The following COG3 variants were observed in gnomAD, a reference collection of about 807,000 sequenced individuals.
COG3 encodes the protein component of oligomeric golgi complex 3, also known as conserved oligomeric Golgi complex subunit 3.
In COG3, 32 loss-of-function variants were observed where a neutral mutation model predicts 114.1. The ratio of observed to expected loss-of-function variants is 0.28; its 90% CI spans 0.21 to 0.38. The LOEUF is 0.38. Ranked by LOEUF, COG3 falls within the 10% of genes least tolerant of loss-of-function variation. The probability of loss-of-function intolerance (pLI) is 1.00; values close to 1 mark genes in which losing one functional copy is unlikely to be tolerated. For missense variants in COG3, 813 were observed against 973.2 expected, an observed-to-expected ratio of 0.84 and a Z score of 2.19; for synonymous variants, 352 against 365.7, an observed-to-expected ratio of 0.96 and a Z score of 0.43.
At chr13:45,497,964 A>G (rs1869028739) in intron 13 of COG3, among the ~76,000 whole-genome samples, 1 of 152,218 alleles carries the variant, frequency 6.6e-6, no homozygotes, top group African/African-American at 2.4e-5. Flanking sequence ...AACAACAATA[A>G]CAGAATTAAA....
In COG3 at chr13:45,476,185, ACT is replaced by A. The variant is rs763192174; in HGVS notation, c.175-11_175-10del. 6.2e-7 allele frequency: 1 copy of A among 1,612,536 alleles called. No individual in the cohort carries two copies. On this transcript the variant is annotated splice_polypyrimidine_tract_variant and intron_variant, in intron 1 of 22. Transcript: ENST00000349995. Reference sequence around the variant, plus strand: ...TTCAAGTCACTTAAATATCTTTGTGACTCTCTTTTTTCAAGCTTCCAATTGAA... The same window carrying A: ...TTCAAGTCACTTAAATATCTTTGTGACTCTTTTTTCAAGCTTCCAATTGAA...
intron 19 of COG3, among the ~76,000 whole-genome samples, chr13:45,521,247 C>A (rs1298588031): frequency 6.6e-6 from 1 of 152,130 alleles, no homozygotes; most frequent in Non-Finnish European, 1.5e-5. Flanking sequence ...ATGCTACATG[C>A]GTATAGCAGG....
chr13:45,473,657 T>G (rs890168348), intron 1 of COG3, among the ~76,000 whole-genome samples: 1 of 152,206 alleles, frequency 6.6e-6, no homozygotes, highest in Non-Finnish European at 1.5e-5. Context: ...GTACTCAAAT[T>G]TATTGCTTAC....
At position 45,465,110 on chromosome 13, in the gene COG3, G is replaced by C; in HGVS notation, c.74G>C (p.Trp25Ser). 6.2e-7 allele frequency: 1 copy of C among 1,612,904 alleles called. No homozygotes were observed. Among genetic ancestry groups the C allele is most frequent in the Non-Finnish European group, 8.5e-7 (1 of 1,179,744 alleles). ...ERDAREKLAL[W>S]DRRPDTTAPL... ...GACGCTAGGGAAAAGCTGGCTCTCT[G>C]GGATCGGAGACCGGACACGACGGCG... Residue 25 changes from tryptophan to serine, a missense_variant, in exon 1 of 23, where the codon TGG becomes TCG. Transcript: ENST00000349995.
Position 45,464,986 on chromosome 13 carries a change from G to A in COG3, c.-51G>A. The A allele has an allele frequency of 6.5e-7, 1 of 1,531,436 alleles. No individual in the cohort carries two copies. 94.9% of individuals were successfully genotyped at this position (1,531,436 alleles called of 1,614,324 possible). On this transcript the variant is annotated 5_prime_UTR_variant, in exon 1 of 23. Coordinates refer to ENST00000349995, the MANE Select transcript of COG3 (RefSeq NM_031431.4). Reference sequence around the variant, plus strand: ...TCCCGGAAGTGGCCCAGGTCTCTCTGTCGGGGTCCCCTCCATCTCGCTGCT... The same window carrying A: ...TCCCGGAAGTGGCCCAGGTCTCTCTATCGGGGTCCCCTCCATCTCGCTGCT...
At chr13:45,509,654 AT>A in intron 14 of COG3, 37 bp from the exon 15 acceptor site, 1 of 1,606,864 alleles carries the variant, frequency 6.2e-7, no homozygotes, top group Non-Finnish European at 8.5e-7. Context: ...AAATATCCAC[AT>A]GTGTGAAATG....
chr13:45,469,353 C>T lies in COG3; in HGVS notation c.174+4143C>T, dbSNP rs1885335102. Among the ~76,000 whole-genome samples, 4 of 152,182 alleles carry T rather than the reference C, an allele frequency of 2.6e-5. No homozygotes were observed. The South Asian group carries it at 8.3e-4, about 32-fold the overall frequency. On this transcript the variant is annotated intron_variant, in intron 1 of 22. Transcript: ENST00000349995. Reference sequence around the variant, plus strand: ...TTTTGGTTCAAGATAACAGACTGAGCACACGTGTATGACATCCCTGGATCC... The same window carrying T: ...TTTTGGTTCAAGATAACAGACTGAGTACACGTGTATGACATCCCTGGATCC...
rs1158465437 is a variant in COG3, at chr13:45,500,067, A to AGT, written c.1489-3150_1489-3149dup. 7.1e-3 allele frequency among the ~76,000 whole-genome samples: 797 copies of AGT among 113,028 alleles called. 7 individuals are homozygous for AGT. The highest frequency in any genetic ancestry group is 0.025 in the South Asian group (84 of 3,410). 74.2% of individuals were successfully genotyped at this position (113,028 alleles called of 152,430 possible). A position where few individuals can be genotyped will look rare whatever the true frequency, so the allele number is the denominator to read the frequency against. ...GTGTGTGTGTGTGTGTGTGTGTGTG[A>AGT]GTGTGTGTGTGTGTGTGTGTGTGTG... On this transcript the variant is annotated intron_variant, in intron 13 of 22. Transcript: ENST00000349995.
At chr13:45,524,444 A>G (rs1363049536) in intron 19 of COG3, among the ~76,000 whole-genome samples, 1 of 152,180 alleles carries the variant, frequency 6.6e-6, no homozygotes, top group Non-Finnish European at 1.5e-5. Context: ...TATCTTTAGC[A>G]CTGATTGGTC....
rs1362774805 is a variant in COG3, at chr13:45,465,032, C to T, written c.-5C>T. 2 of 1,563,344 alleles carry T rather than the reference C, an allele frequency of 1.3e-6. No homozygotes were observed. The highest frequency in any genetic ancestry group is 1.7e-6 in the Non-Finnish European group (2 of 1,156,222). ...CTGCTGCTGAAGGCCGCGAGGGCGG[C>T]GGCGATGGCGGAGGCGGCGCTGTTG... On this transcript the variant is annotated 5_prime_UTR_variant, in exon 1 of 23. Coordinates refer to ENST00000349995, the MANE Select transcript of COG3 (RefSeq NM_031431.4).
chr13:45,516,761 ACCTT>A (rs770064012), intron 17 of COG3, among the ~76,000 whole-genome samples: 30 of 152,136 alleles, frequency 2.0e-4, no homozygotes, highest in Non-Finnish European at 4.1e-4. Flanking sequence ...TCTCCATGCC[ACCTT>A]CCTTTTATGT....
chr13:45,532,670 T>C (rs933694582), intron 22 of COG3, among the ~76,000 whole-genome samples: 2 of 147,084 alleles, frequency 1.4e-5, no homozygotes, highest in African/African-American at 2.5e-5. Context: ...CCCGGGTTCA[T>C]GCCATTCTCC....
At chr13:45,514,461 A>G (rs1444837902) in intron 16 of COG3, among the ~76,000 whole-genome samples, 2 of 152,112 alleles carry the variant, frequency 1.3e-5, no homozygotes, top group African/African-American at 4.8e-5. Context: ...GCACCTGGCC[A>G]TGTCCTTTCT....
intron 19 of COG3, among the ~76,000 whole-genome samples, chr13:45,521,762 C>T (rs1485382641): frequency 6.6e-6 from 1 of 151,250 alleles, no homozygotes; most frequent in Admixed American, 6.6e-5. Flanking sequence ...GCATTAATTA[C>T]CTGCAAGTGC....
chr13:45,495,365 A>G (rs916723391), intron 12 of COG3, among the ~76,000 whole-genome samples: 54 of 151,796 alleles, frequency 3.6e-4, no homozygotes, highest in African/African-American at 1.3e-3. Context: ...CTTAACATTG[A>G]TGGCATCTTT....
intron 1 of COG3, among the ~76,000 whole-genome samples, chr13:45,475,500 G>A (rs539430669): frequency 4.6e-5 from 7 of 152,220 alleles, no homozygotes; most frequent in East Asian, 3.9e-4. Context: ...CACTGAACCC[G>A]GTCATTGGGT....
intron 1 of COG3, among the ~76,000 whole-genome samples, chr13:45,471,734 T>TC (rs571533898): frequency 6.8e-4 from 103 of 151,672 alleles, no homozygotes; most frequent in Non-Finnish European, 1.4e-3. Context: ...TTTGTTTTTT[T>TC]TTTGGTCTTT....
chr13:45,531,592 C>A (rs904239143), intron 22 of COG3, among the ~76,000 whole-genome samples: 16 of 151,590 alleles, frequency 1.1e-4, no homozygotes, highest in Non-Finnish European at 1.9e-4. Flanking sequence ...ACTGCAACCT[C>A]TGCCTCCCAG....
intron 14 of COG3, 132 bp downstream of exon 14, chr13:45,503,481 G>C: frequency 1.7e-6 from 1 of 579,980 alleles, no homozygotes. Flanking sequence ...GGGGGAGATT[G>C]CCAAGCCACA....
Sources: allele counts gnomAD v4.1 joint callset (sites outside exome capture counted in the v4.1 genomes callset), GRCh38; gene constraint gnomAD v4.1.1; transcripts MANE v1.5; gene names NCBI Gene and HGNC (gene_info 2026-07-23, HGNC 2026-07-21).